The following VPS13B variants were observed in gnomAD, a reference collection of about 807,000 sequenced individuals.
VPS13B encodes intermembrane lipid transfer protein VPS13B.
In VPS13B, 285 loss-of-function variants were observed where a neutral mutation model predicts 426.4. The ratio of observed to expected loss-of-function variants is 0.67; its 90% CI spans 0.61 to 0.74. The LOEUF is 0.74. Among genes scored for constraint, VPS13B ranks in the 30% least tolerant of loss-of-function variants. The pLI is 0.00. For missense variants in VPS13B, 4,537 were observed against 4,782.6 expected, an observed-to-expected ratio of 0.95 and a Z score of 1.51; for synonymous variants, 1,676 against 1,676.4, an observed-to-expected ratio of 1.00 and a Z score of 0.01.
At chr8:99,301,224 A>AT (rs887215120) in intron 19 of VPS13B, among the ~76,000 whole-genome samples, 7 of 151,578 alleles carry the variant, frequency 4.6e-5, no homozygotes, top group African/African-American at 7.3e-5. Context: ...CAAAAAAAAA[A>AT]TTTTTTTTAA....
chr8:99,168,649 C>T (rs1812154586), intron 15 of VPS13B, among the ~76,000 whole-genome samples: 1 of 151,880 alleles, frequency 6.6e-6, no homozygotes, highest in South Asian at 2.1e-4. Flanking sequence ...CATTATTGCT[C>T]AGAACAGGTC....
chr8:99,616,702 G>A (rs1049753206), intron 33 of VPS13B, among the ~76,000 whole-genome samples: 2 of 152,198 alleles, frequency 1.3e-5, no homozygotes, highest in African/African-American at 2.4e-5. Flanking sequence ...GCGGGTGCCT[G>A]TAATCCCAGC....
chr8:99,573,730 G>A (rs551570849), intron 31 of VPS13B, among the ~76,000 whole-genome samples: 3 of 152,258 alleles, frequency 2.0e-5, no homozygotes, highest in South Asian at 4.1e-4. Flanking sequence ...AAGTCAGGTA[G>A]CGTGATGCCT....
intron 19 of VPS13B, among the ~76,000 whole-genome samples, chr8:99,287,248 A>G (rs374883615): frequency 0.04 from 5,970 of 149,506 alleles, 199 homozygotes; most frequent in East Asian, 0.17. Flanking sequence ...CTATCTATCT[A>G]TCTATCTATC....
At chr8:99,194,970 C>G (rs928803531) in intron 17 of VPS13B, among the ~76,000 whole-genome samples, 1 of 152,026 alleles carries the variant, frequency 6.6e-6, no homozygotes, top group African/African-American at 2.4e-5. Context: ...CTCAGCCTCC[C>G]GAGTAGCTGG....
intron 19 of VPS13B, among the ~76,000 whole-genome samples, chr8:99,339,060 G>A (rs62534573): frequency 0.11 from 16,017 of 152,020 alleles, 970 homozygotes; most frequent in Non-Finnish European, 0.14. Context: ...TTATTCCTGT[G>A]CCTGTAAATA....
At chr8:99,786,961 A>G (rs1187721981) in intron 43 of VPS13B, among the ~76,000 whole-genome samples, 1 of 152,140 alleles carries the variant, frequency 6.6e-6, no homozygotes, top group African/African-American at 2.4e-5. Flanking sequence ...TCAGTTTCAA[A>G]CTGCACCTGG....
chr8:99,870,370 G>T lies in VPS13B; in HGVS notation c.11393-415G>T, dbSNP rs376773386. Among the ~76,000 whole-genome samples, 5 of 151,926 alleles carry T rather than the reference G, an allele frequency of 3.3e-5. No individual in the cohort carries two copies. In the East Asian group the frequency reaches 7.7e-4, roughly 24 times the overall value. On this transcript the variant is annotated intron_variant, in intron 59 of 61. Coordinates refer to ENST00000357162, the MANE Select transcript of VPS13B (RefSeq NM_152564.5). ...GGGTCTCACTTTGTTTCCCAGGCTGGTCTCTAACTCTGACTCAAGCAATCC... is the reference window on the plus strand; with the variant it reads ...GGGTCTCACTTTGTTTCCCAGGCTGTTCTCTAACTCTGACTCAAGCAATCC...
intron 39 of VPS13B, among the ~76,000 whole-genome samples, chr8:99,722,994 TATTA>T (rs1170876814): frequency 6.6e-6 from 1 of 152,236 alleles, no homozygotes. Flanking sequence ...ATGTAAATTA[TATTA>T]ATTAAGGCAT....
At chr8:99,016,586 C>CTTTT (rs754060289) in intron 2 of VPS13B, among the ~76,000 whole-genome samples, 130 of 60,742 alleles carry the variant, frequency 2.1e-3, no homozygotes, top group Non-Finnish European at 2.5e-3. Flanking sequence ...TATAGGAATT[C>CTTTT]TTTTTTTTTT....
At chr8:99,479,731 T>C (rs1819937695) in intron 24 of VPS13B, among the ~76,000 whole-genome samples, 1 of 152,222 alleles carries the variant, frequency 6.6e-6, no homozygotes, top group South Asian at 2.1e-4. Flanking sequence ...CATGCATCAA[T>C]AGTTTATTTC....
chr8:99,275,050 TTA>T (rs1156547511), intron 18 of VPS13B, 29 bp from the exon 19 acceptor site: 1 of 1,541,018 alleles, frequency 6.5e-7, no homozygotes, highest in Non-Finnish European at 8.7e-7. Context: ...TGTTTTATTT[TTA>T]TTATTGTTTT....
chr8:99,615,720 G>A (rs1828056341), intron 33 of VPS13B, among the ~76,000 whole-genome samples: 1 of 152,064 alleles, frequency 6.6e-6, no homozygotes, highest in African/African-American at 2.4e-5. Context: ...TGGAATCATG[G>A]TCAAGTCACT....
chr8:99,486,788 T>G (rs1422843449), intron 25 of VPS13B, among the ~76,000 whole-genome samples: 1 of 152,216 alleles, frequency 6.6e-6, no homozygotes, highest in Non-Finnish European at 1.5e-5. Context: ...AAGGACTGTT[T>G]CCACTTGTTA....
At chr8:99,566,824 C>A (rs1005340943) in intron 31 of VPS13B, among the ~76,000 whole-genome samples, 3 of 152,144 alleles carry the variant, frequency 2.0e-5, no homozygotes, top group Admixed American at 2.0e-4. Context: ...ATTTGTACAA[C>A]ATGTAACTTT....
rs192875346 is a variant in VPS13B, at chr8:99,279,991, G to A, written c.2824+4737G>A. Among the ~76,000 whole-genome samples the A allele has an allele frequency of 1.6e-4, 24 of 152,196 alleles. No individual in the cohort carries two copies. The East Asian group carries it at 4.5e-3, about 28-fold the overall frequency. ...TCACTGTGTTAGCCAGGAAGGTCTC[G>A]ATCTCCTGACCTCGTGATCCACCTG... On this transcript the variant is annotated intron_variant, in intron 19 of 61. Transcript: ENST00000357162.
At chr8:99,562,999 A>C (rs1588498330) in intron 31 of VPS13B, among the ~76,000 whole-genome samples, 1 of 152,050 alleles carries the variant, frequency 6.6e-6, no homozygotes, top group Non-Finnish European at 1.5e-5. Context: ...AACAACAACA[A>C]CACAATTTTT....
In VPS13B at chr8:99,628,826, G is replaced by A. The variant is rs77865966; in HGVS notation, c.5221-12985G>A. On this transcript the variant is annotated intron_variant, in intron 33 of 61. Coordinates refer to ENST00000357162, the MANE Select transcript of VPS13B (RefSeq NM_152564.5). ...AGGATCTCGCTTTGTCACCTAGGCT[G>A]GAGTGCAGTGGCGTGATCATGGTTC... Among the ~76,000 whole-genome samples, 742 of 151,770 alleles carry A rather than the reference G, an allele frequency of 4.9e-3. 6 individuals carry two copies. Among genetic ancestry groups the A allele is most frequent in the African/African-American group, 0.017 (693 of 41,362 alleles).
chr8:99,532,457 T>C (rs910819122), intron 30 of VPS13B, among the ~76,000 whole-genome samples: 4 of 152,126 alleles, frequency 2.6e-5, no homozygotes, highest in Non-Finnish European at 5.9e-5. Context: ...TCTGTGGCAG[T>C]TTAATCCATG....
Sources: allele counts gnomAD v4.1 joint callset (sites outside exome capture counted in the v4.1 genomes callset), GRCh38; gene constraint gnomAD v4.1.1; transcripts MANE v1.5; gene names NCBI Gene and HGNC (gene_info 2026-07-23, HGNC 2026-07-21).